Variants in NCAPG2 observed in about 807,000 individuals in gnomAD.
The protein encoded by NCAPG2 is non-SMC condensin II complex subunit G2.
A neutral mutation model predicts 141.1 loss-of-function variants in NCAPG2; 53 were observed. That is an observed-to-expected ratio of 0.38 (90% CI 0.30 to 0.47). NCAPG2 has a LOEUF of 0.47. Ranked by LOEUF, NCAPG2 falls within the 20% of genes least tolerant of loss-of-function variation. NCAPG2 has a pLI of 0.99. For synonymous variants in NCAPG2, 499 were observed against 490.7 expected (o/e 1.02, Z -0.22); for missense variants, 1,087 against 1,389.0 (o/e 0.78, Z 3.46).
intron 27 of NCAPG2, 151 bp from the exon 28 acceptor site, chr7:158,631,868 C>A: frequency 1.5e-6 from 1 of 670,486 alleles, no homozygotes; most frequent in East Asian, 2.7e-5. Flanking sequence ...TTAATTGTTT[C>A]TTGTATGTAA....
At chr7:158,701,683 T>G (rs1835800137) in intron 2 of NCAPG2, 139 bp downstream of exon 2, 1 of 775,736 alleles carries the variant, frequency 1.3e-6, no homozygotes, top group African/African-American at 1.8e-5. Context: ...ATAAAGGGTT[T>G]TGTTTTCTTC....
chr7:158,692,046 TG>T (rs1835148631), intron 4 of NCAPG2, among the ~76,000 whole-genome samples: 1 of 152,226 alleles, frequency 6.6e-6, no homozygotes, highest in Admixed American at 6.5e-5. Context: ...GGCTCATGCC[TG>T]TAATCCCAGC....
intron 2 of NCAPG2, among the ~76,000 whole-genome samples, chr7:158,697,570 C>T (rs1225828990): frequency 2.0e-5 from 3 of 149,938 alleles, no homozygotes; most frequent in Non-Finnish European, 3.0e-5. Flanking sequence ...CACTGCACTC[C>T]AGCCTGAGCA....
Position 158,675,545 on chromosome 7 carries a change from G to A in NCAPG2, c.1258C>T (p.Leu420=). ...MMPPTILIDL[L]KKVTGELAFD... ...GCCAGTTCCCCAGTCACCTTCTTCA[G>A]GAGGTCAATAAGAATGGTCGGGGGC... The change falls in exon 12 of 28, where the codon CTG becomes TTG. Residue 420 remains leucine (L), a synonymous_variant. Transcript: ENST00000356309. 1.2e-6 allele frequency: 2 copies of A among 1,613,620 alleles called. No individual in the cohort carries two copies. The highest frequency in any genetic ancestry group is 1.7e-6 in the Non-Finnish European group (2 of 1,179,912).
At chr7:158,681,198 T>C (rs957078960) in intron 9 of NCAPG2, among the ~76,000 whole-genome samples, 4 of 152,342 alleles carry the variant, frequency 2.6e-5, no homozygotes, top group African/African-American at 9.6e-5. Context: ...CTCACGCTTG[T>C]TCCAAAACAT....
At chr7:158,637,119 T>TG (rs1254984478) in intron 27 of NCAPG2, among the ~76,000 whole-genome samples, 1 of 152,060 alleles carries the variant, frequency 6.6e-6, no homozygotes, top group East Asian at 1.9e-4. Context: ...GGCTAATTTT[T>TG]TATATTTTTA....
intron 16 of NCAPG2, 134 bp downstream of exon 16, chr7:158,662,060 A>G: frequency 1.2e-6 from 1 of 837,810 alleles, no homozygotes; most frequent in East Asian, 3.1e-5. Flanking sequence ...TGCAAGGTAA[A>G]CACTAATCCA....
In NCAPG2 at chr7:158,631,833, G is replaced by A. The variant is rs936266454; in HGVS notation, c.3381-116C>T. On this transcript the variant is annotated intron_variant, in intron 27 of 27. Coordinates refer to ENST00000356309, the MANE Select transcript of NCAPG2 (RefSeq NM_017760.7). The stretch of plus-strand genomic sequence containing the variant: ...TTGCAACCATGCATTTAAAAACAAA[G>A]TTGAAATAATCTATAGATGTTTCAT... The A allele has an allele frequency of 3.7e-6, 3 of 810,432 alleles. No individual in the cohort carries two copies. The African/African-American group carries it at 5.2e-5, about 14-fold the overall frequency. 50.2% of individuals were successfully genotyped at this position (810,432 alleles called of 1,614,324 possible). A position where few individuals can be genotyped will look rare whatever the true frequency, so the allele number is the denominator to read the frequency against.
chr7:158,667,350 T>TG, intron 13 of NCAPG2: 1 of 136,560 alleles, frequency 7.3e-6, no homozygotes, highest in Non-Finnish European at 8.3e-6. Context: ...CCTCCGCTCC[T>TG]TAGCCACTAC....
chr7:158,646,924 G>A (rs1831062803), intron 24 of NCAPG2, among the ~76,000 whole-genome samples: 1 of 152,084 alleles, frequency 6.6e-6, no homozygotes. Flanking sequence ...AGCTACTTGG[G>A]AGACTGAGGC....
intron 1 of NCAPG2, among the ~76,000 whole-genome samples, chr7:158,702,626 GC>G (rs1835884077): frequency 6.6e-6 from 1 of 152,196 alleles, no homozygotes; most frequent in Non-Finnish European, 1.5e-5. Context: ...TGAGGTAATA[GC>G]AAATGATGGA....
intron 27 of NCAPG2, among the ~76,000 whole-genome samples, chr7:158,641,957 T>G (rs1360578067): frequency 6.6e-6 from 1 of 152,214 alleles, no homozygotes; most frequent in Non-Finnish European, 1.5e-5. Flanking sequence ...ATTCTCCTCA[T>G]GCTCACATGA....
intron 15 of NCAPG2, 82 bp downstream of exon 15, chr7:158,664,102 A>G (rs1832732948): frequency 4.6e-6 from 5 of 1,075,642 alleles, no homozygotes; most frequent in Non-Finnish European, 7.1e-6. Context: ...CAAAGAAAAC[A>G]TAGGAATATT....
intron 24 of NCAPG2, among the ~76,000 whole-genome samples, chr7:158,648,536 C>G (rs1431706385): frequency 6.8e-6 from 1 of 146,616 alleles, no homozygotes; most frequent in South Asian, 2.2e-4. Context: ...GCCAAATGGA[C>G]GACAACCACG....
In NCAPG2 at chr7:158,655,108, G is replaced by T; in HGVS notation, c.2646+10C>A. On this transcript the variant is annotated intron_variant, in intron 21 of 27. Coordinates refer to ENST00000356309, the MANE Select transcript of NCAPG2 (RefSeq NM_017760.7). ...AAAGAGAAAGTTTTCTGTGTCTTAAGACTTCTAACCTGGATAATTTGCTGA... is the reference window on the plus strand; with the variant it reads ...AAAGAGAAAGTTTTCTGTGTCTTAATACTTCTAACCTGGATAATTTGCTGA... 1 of 1,593,242 alleles carries T rather than the reference G, an allele frequency of 6.3e-7. No individual in the cohort carries two copies. The highest frequency in any genetic ancestry group is 8.5e-7 in the Non-Finnish European group (1 of 1,174,014).
Position 158,690,554 on chromosome 7 carries a change from A to G in NCAPG2, c.537+14T>C. 1 of 1,611,146 alleles carries G rather than the reference A, an allele frequency of 6.2e-7. No individual in the cohort carries two copies. Among genetic ancestry groups the G allele is most frequent in the Non-Finnish European group, 8.5e-7 (1 of 1,177,696 alleles). Reference sequence around the variant, plus strand: ...GAGAGACCCTGTCTTTAAAAAAATAAAAAGTGAGCATACTGTCTTAGTCTC... The same window carrying G: ...GAGAGACCCTGTCTTTAAAAAAATAGAAAGTGAGCATACTGTCTTAGTCTC... On this transcript the variant is annotated intron_variant, in intron 5 of 27. Transcript: ENST00000356309.
intron 27 of NCAPG2, among the ~76,000 whole-genome samples, chr7:158,637,566 C>A: frequency 6.6e-6 from 1 of 152,280 alleles, no homozygotes; most frequent in Non-Finnish European, 1.5e-5. Flanking sequence ...AGTAGGCTTT[C>A]CAGCTCCGGC....
intron 19 of NCAPG2, among the ~76,000 whole-genome samples, 181 bp downstream of exon 19, chr7:158,656,079 C>A (rs995337216): frequency 6.6e-6 from 1 of 152,228 alleles, no homozygotes; most frequent in African/African-American, 2.4e-5. Context: ...TGGGACTTGA[C>A]TCCCAACCTT....
intron 12 of NCAPG2, among the ~76,000 whole-genome samples, chr7:158,674,226 T>C (rs1490962599): frequency 6.6e-6 from 1 of 152,028 alleles, no homozygotes; most frequent in African/African-American, 2.4e-5. Flanking sequence ...CGAACATGCT[T>C]ACAAACCTAT....
Sources: gnomAD v4.1 joint callset for allele counts (sites outside exome capture counted in the v4.1 genomes callset) on GRCh38, gnomAD v4.1.1 for gene constraint, MANE v1.5 for transcripts, NCBI Gene and HGNC (gene_info 2026-07-23, HGNC 2026-07-21) for gene names.